Variants in SLIT1 observed in about 807,000 individuals in gnomAD.
SLIT1 encodes the protein slit homolog 1 protein.
Under a neutral mutation model 186.1 loss-of-function variants are expected in SLIT1, and 66 were observed. That is an observed-to-expected ratio of 0.35 (90% confidence interval 0.29 to 0.44). The LOEUF (loss-of-function observed/expected upper bound fraction) is 0.44. Ranked by LOEUF, SLIT1 falls within the 20% of genes least tolerant of loss-of-function variation. The probability of loss-of-function intolerance (pLI) is 1.00; values close to 1 mark genes in which losing one functional copy is unlikely to be tolerated. For synonymous variants in SLIT1, 761 were observed against 833.8 expected, an observed-to-expected ratio of 0.91 and a Z score of 1.50; for missense variants, 1,638 against 2,037.4, an observed-to-expected ratio of 0.80 and a Z score of 3.77.
At chr10:97,149,357 C>T (rs965448667) in intron 4 of SLIT1, among the ~76,000 whole-genome samples, 13 of 152,204 alleles carry the variant, frequency 8.5e-5, no homozygotes, top group Non-Finnish European at 1.6e-4. Flanking sequence ...CAGAGTGCTC[C>T]ATAATTGCCA....
At chr10:97,080,652 G>C (rs73320695) in intron 4 of SLIT1, among the ~76,000 whole-genome samples, 3,809 of 152,284 alleles carry the variant, frequency 0.025, 196 homozygotes, top group African/African-American at 0.087. Flanking sequence ...CAAACACCCG[G>C]AGCTGGGGCA....
intron 25 of SLIT1, among the ~76,000 whole-genome samples, chr10:97,026,233 G>A (rs1293871406): frequency 6.6e-6 from 1 of 152,150 alleles, no homozygotes; most frequent in African/African-American, 2.4e-5. Flanking sequence ...GGAGGCTGAG[G>A]CGGGTGGATC....
chr10:97,166,244 G>A (rs1316305829), intron 1 of SLIT1, among the ~76,000 whole-genome samples: 1 of 152,006 alleles, frequency 6.6e-6, no homozygotes, highest in East Asian at 1.9e-4. Flanking sequence ...GCCTGGTGTG[G>A]TGGCTCACAC....
chr10:97,070,224 G>C (rs775122496), intron 4 of SLIT1, among the ~76,000 whole-genome samples: 31 of 152,346 alleles, frequency 2.0e-4, no homozygotes, highest in Non-Finnish European at 4.4e-4. Flanking sequence ...GATGTTTATT[G>C]TTTGTTCTTG....
At chr10:97,181,353 A>G (rs1220992238) in intron 1 of SLIT1, among the ~76,000 whole-genome samples, 1 of 152,226 alleles carries the variant, frequency 6.6e-6, no homozygotes, top group African/African-American at 2.4e-5. Context: ...TCCAATTATT[A>G]TTTGGAATTT....
chr10:97,156,152 G>A (rs1032430605), intron 4 of SLIT1, among the ~76,000 whole-genome samples: 3 of 152,224 alleles, frequency 2.0e-5, no homozygotes, highest in African/African-American at 7.2e-5. Context: ...GCCCAAGGGT[G>A]GTGGCAAAGA....
intron 8 of SLIT1, 149 bp downstream of exon 8, chr10:97,063,305 AG>A (rs1848910359): frequency 1.3e-6 from 1 of 770,516 alleles, no homozygotes; most frequent in African/African-American, 1.7e-5. Flanking sequence ...GGTGATGGGC[AG>A]GGTCAGGAGG....
chr10:97,144,726 C>T (rs1335367052), intron 4 of SLIT1, among the ~76,000 whole-genome samples: 1 of 152,194 alleles, frequency 6.6e-6, no homozygotes, highest in African/African-American at 2.4e-5. Flanking sequence ...ACCCCCCAGC[C>T]AAAACCAACT....
chr10:97,164,771 G>T (rs1261716120), intron 2 of SLIT1, 48 bp downstream of exon 2: 3 of 1,394,570 alleles, frequency 2.2e-6, no homozygotes, highest in Non-Finnish European at 2.0e-6. Context: ...GCCCAGGACT[G>T]CCGTGGCATT....
At chr10:97,177,825 A>T (rs1850277051) in intron 1 of SLIT1, among the ~76,000 whole-genome samples, 1 of 152,098 alleles carries the variant, frequency 6.6e-6, no homozygotes. Flanking sequence ...AAAATCCAAA[A>T]ATTAGCCAGA....
intron 4 of SLIT1, among the ~76,000 whole-genome samples, chr10:97,083,754 A>G (rs1849128830): frequency 6.6e-6 from 1 of 152,110 alleles, no homozygotes; most frequent in African/African-American, 2.4e-5. Flanking sequence ...ACTCCTTCCA[A>G]ACCCCTGTAG....
At chr10:97,171,832 A>G (rs1301755743) in intron 1 of SLIT1, among the ~76,000 whole-genome samples, 8 of 151,534 alleles carry the variant, frequency 5.3e-5, no homozygotes, top group African/African-American at 1.7e-4. Context: ...AAAAAAAAAA[A>G]TCTCCTTACC....
chr10:97,101,637 C>T (rs1283954516), intron 4 of SLIT1, among the ~76,000 whole-genome samples: 3 of 152,322 alleles, frequency 2.0e-5, no homozygotes, highest in Admixed American at 2.0e-4. Context: ...GGGTTTAGGG[C>T]CTGCCCTCCT....
chr10:97,021,432 G>C lies in SLIT1; in HGVS notation c.2583-19C>G. 6.2e-7 allele frequency: 1 copy of C among 1,607,864 alleles called. No individual in the cohort carries two copies. Among genetic ancestry groups the C allele is most frequent in the Non-Finnish European group, 8.5e-7 (1 of 1,175,888 alleles). ...AATGGCCCTGAGCAGAAAGCAGAGA[G>C]AAGCAGGCATTACAGCTTCATGGGG... On this transcript the variant is annotated intron_variant, in intron 25 of 36. Transcript: ENST00000266058. The surrounding 1 kb of genome is among the most constrained non-coding windows in gnomAD (Gnocchi z 4.5).
intron 4 of SLIT1, among the ~76,000 whole-genome samples, chr10:97,120,705 C>T (rs563550763): frequency 3.6e-4 from 55 of 152,230 alleles, no homozygotes; most frequent in East Asian, 1.5e-3. Context: ...CCGACACCTC[C>T]GGAAGAGTTC....
intron 25 of SLIT1, among the ~76,000 whole-genome samples, chr10:97,027,256 C>T (rs761340704): frequency 3.9e-5 from 6 of 152,204 alleles, no homozygotes; most frequent in East Asian, 3.8e-4. Flanking sequence ...ATCCTTTTAC[C>T]GTTCTTCAAT....
chr10:97,019,179 C>T, intron 26 of SLIT1, 72 bp from the exon 27 acceptor site: 1 of 954,016 alleles, frequency 1.0e-6, no homozygotes. Context: ...AGCACCTCAA[C>T]CCCGAGGAGC....
Position 97,082,466 on chromosome 10 carries a change from G to A in SLIT1, c.414-16380C>T, listed in dbSNP as rs186431793. 3.6e-3 allele frequency among the ~76,000 whole-genome samples: 547 copies of A among 152,002 alleles called. 2 individuals are homozygous for A. The highest frequency in any genetic ancestry group is 0.013 in the African/African-American group (520 of 41,456). On this transcript the variant is annotated intron_variant, in intron 4 of 36. Coordinates refer to ENST00000266058, the MANE Select transcript of SLIT1 (RefSeq NM_003061.3). The stretch of plus-strand genomic sequence containing the variant: ...TTATTTATTTTTTGAGAGGAGTCTC[G>A]CTCTGTTGCCCAGGCTGGAGTGCAG...
At chr10:97,141,676 C>T (rs2817653) in intron 4 of SLIT1, among the ~76,000 whole-genome samples, 113,448 of 139,796 alleles carry the variant, frequency 0.81, 44,937 homozygotes, top group Non-Finnish European at 0.88. Flanking sequence ...TGCATTGTAT[C>T]GTATTGTATC....
Sources: gnomAD v4.1 joint callset for allele counts (sites outside exome capture counted in the v4.1 genomes callset) on GRCh38, gnomAD v4.1.1 for gene constraint, Gnocchi (gnomAD v3.1) non-coding constraint, MANE v1.5 for transcripts, NCBI Gene and HGNC (gene_info 2026-07-23, HGNC 2026-07-21) for gene names.